The following BUB1 variants were observed in gnomAD, a reference collection of about 807,000 sequenced individuals.
BUB1 encodes BUB1 mitotic checkpoint serine/threonine kinase.
BUB1 carries 84 observed loss-of-function variants against 135.2 expected under a neutral mutation model. The observed-to-expected ratio is 0.62, with a 90% confidence interval of 0.52 to 0.74. The LOEUF is 0.74. BUB1 is among the 30% of genes least tolerant of loss of function. The pLI is 0.00. For synonymous variants in BUB1, 403 were observed against 434.4 expected, an observed-to-expected ratio of 0.93 and a Z score of 0.90; for missense variants, 1,162 against 1,288.3, an observed-to-expected ratio of 0.90 and a Z score of 1.50.
In BUB1 at chr2:110,669,547, GTT is replaced by G; in HGVS notation, c.471_472del (p.Arg157SerfsTer7). On this transcript the variant is annotated frameshift_variant, in exon 6 of 25. Coordinates refer to ENST00000302759, the MANE Select transcript of BUB1 (RefSeq NM_004336.5). LOFTEE classifies it high-confidence loss of function. Reference sequence around the variant, plus strand: ...CTGAACATTATGCAGAGGTTCTGAGGTTCTAGCTATGAGGGAAAAGAGGATAA... The same window carrying G: ...CTGAACATTATGCAGAGGTTCTGAGGCTAGCTATGAGGGAAAAGAGGATAA... 1 of 1,599,568 alleles carries G rather than the reference GTT, an allele frequency of 6.3e-7. No homozygotes were observed. The highest frequency in any genetic ancestry group is 8.6e-7 in the Non-Finnish European group (1 of 1,167,460).
intron 24 of BUB1, among the ~76,000 whole-genome samples, 188 bp downstream of exon 24, chr2:110,639,554 G>C (rs1435399708): frequency 1.3e-5 from 2 of 152,128 alleles, no homozygotes; most frequent in Non-Finnish European, 2.9e-5. Flanking sequence ...CCAGTGGGGA[G>C]AGAGAAGTGG....
At position 110,661,778 on chromosome 2, in the gene BUB1, G is replaced by T; in HGVS notation, c.1021C>A (p.Pro341Thr). ...SQQELRAPCL[P>T]VTYQQTPVNM... ...ACTGGTGTCTGCTGATAGGTTACTG[G>T]AAGACATGGCGCTCTCAGTTCCTGC... Residue 341 changes from proline to threonine, a missense_variant, in exon 10 of 25, where the codon CCA (proline) becomes ACA (threonine). Transcript: ENST00000302759. The T allele has an allele frequency of 1.9e-6, 3 of 1,614,204 alleles. No individual in the cohort carries two copies. In the South Asian group the frequency reaches 3.3e-5, roughly 18 times the overall value.
intron 4 of BUB1, among the ~76,000 whole-genome samples, chr2:110,671,421 CTAATTTTTT>C (rs1490273387): frequency 2.4e-4 from 36 of 152,096 alleles, no homozygotes; most frequent in Admixed American, 2.4e-3. Flanking sequence ...GTTTATTATA[CTAATTTTTT>C]CTTTTTTATG....
Position 110,667,528 on chromosome 2 carries a change from C to T in BUB1, c.798G>A (p.Glu266=), listed in dbSNP as rs1345408033. ...AQKYNQRRKH[E]QWVNEDRHYM... is the part of the protein sequence containing the mutation. ...ATACAAGATTGCAAGTACCCCATTG[C>T]TCATGCTTTCTCCGTTGATTGTATT... Residue 266 remains glutamate, a synonymous_variant, in exon 8 of 25, where the codon GAG becomes GAA. Transcript: ENST00000302759. 1 of 1,611,590 alleles carries T rather than the reference C, an allele frequency of 6.2e-7. No homozygotes were observed. Among genetic ancestry groups the T allele is most frequent in the Non-Finnish European group, 8.5e-7 (1 of 1,179,210 alleles).
rs1376262160 is a variant in BUB1 at position 110,667,561 on chromosome 2, T to C, written c.765A>G (p.Arg255=). 6.2e-7 allele frequency: 1 copy of C among 1,613,878 alleles called. No individual in the cohort carries two copies. Among genetic ancestry groups the C allele is most frequent in the Non-Finnish European group, 8.5e-7 (1 of 1,179,968 alleles). The change falls in exon 8 of 25, where the codon AGA becomes AGG. Residue 255 remains arginine, a synonymous_variant. Transcript: ENST00000302759. ...GESEFSFEEL[R]AQKYNQRRKH... is the part of the protein sequence containing the mutation. ...TTCTCCGTTGATTGTATTTCTGGGC[T>C]CTCAATTCTTCAAAGGAAAATTCTG...
At chr2:110,655,628 A>G in intron 16 of BUB1, 111 bp downstream of exon 16, 1 of 1,056,896 alleles carries the variant, frequency 9.5e-7, no homozygotes, top group Non-Finnish European at 1.3e-6. Context: ...TGATTTTCAA[A>G]GTTCCCATGT....
intron 1 of BUB1, among the ~76,000 whole-genome samples, chr2:110,677,606 G>A (rs1002708331): frequency 6.6e-6 from 1 of 152,158 alleles, no homozygotes; most frequent in Non-Finnish European, 1.5e-5. Flanking sequence ...TGTTAAATAC[G>A]TGACTTTGAA....
chr2:110,642,050 A>C (rs1689520576), intron 20 of BUB1, 69 bp downstream of exon 20: 1 of 1,263,444 alleles, frequency 7.9e-7, no homozygotes, highest in Non-Finnish European at 1.1e-6. Flanking sequence ...AAAGAAAAAA[A>C]ATTTCTTGGC....
rs760758876 is a variant in BUB1 at position 110,658,433 on chromosome 2, T to A, written c.1493A>T (p.Asp498Val). The A allele has an allele frequency of 6.2e-7, 1 of 1,613,752 alleles. No individual in the cohort carries two copies. Among genetic ancestry groups the A allele is most frequent in the Non-Finnish European group, 8.5e-7 (1 of 1,179,774 alleles). The change falls in exon 13 of 25, where the codon GAT (aspartate) becomes GTT (valine). Residue 498 changes from aspartate to valine, a missense_variant. Asp to Val is a radical substitution (Grantham distance 152, BLOSUM62 -3). Transcript: ENST00000302759. ...DEWQSLDQNE[D>V]AFEAQFQKNV... ...ACTTTGAAACTGGGCTTCAAATGCA[T>A]CTTCATTTTGATCTAGAGATTGCCA...
chr2:110,637,790 T>G lies in BUB1; in HGVS notation c.*174A>C. 1 of 480,462 alleles carries G rather than the reference T, an allele frequency of 2.1e-6. No homozygotes were observed. Among genetic ancestry groups the G allele is most frequent in the Non-Finnish European group, 3.4e-6 (1 of 293,736 alleles). 29.8% of individuals were successfully genotyped at this position (480,462 alleles called of 1,614,324 possible). ...CAATCAGCCTGCTATATAGGGACCT[T>G]ATGGGGTTGTATATTTTGTTGAAAT... On this transcript the variant is annotated 3_prime_UTR_variant, in exon 25 of 25. Transcript: ENST00000302759.
At chr2:110,643,916 C>CA in intron 19 of BUB1, among the ~76,000 whole-genome samples, 1 of 149,784 alleles carries the variant, frequency 6.7e-6, no homozygotes, top group Non-Finnish European at 1.5e-5. Flanking sequence ...AACTGAGAAG[C>CA]AAAAAAAGGT....
chr2:110,655,414 T>C (rs988116718), intron 16 of BUB1, among the ~76,000 whole-genome samples: 2 of 152,212 alleles, frequency 1.3e-5, no homozygotes, highest in Admixed American at 6.5e-5. Flanking sequence ...TTTTGTTTGC[T>C]ATGAAACAAA....
chr2:110,640,235 T>C lies in BUB1; in HGVS notation c.2956-387A>G, dbSNP rs189364334. ...GGCCTCTTGTTGTGTGATATGTTCATAATTGAAAAGAACACTCCAGCCCCA... is the reference window on the plus strand; with the variant it reads ...GGCCTCTTGTTGTGTGATATGTTCACAATTGAAAAGAACACTCCAGCCCCA... On this transcript the variant is annotated intron_variant, in intron 23 of 24. Coordinates refer to ENST00000302759, the MANE Select transcript of BUB1 (RefSeq NM_004336.5). Among the ~76,000 whole-genome samples, 812 of 152,224 alleles carry C rather than the reference T, an allele frequency of 5.3e-3. 7 individuals are homozygous for C. The highest frequency in any genetic ancestry group is 7.6e-3 in the Non-Finnish European group (515 of 68,008).
chr2:110,674,072 T>TTAAGTAG lies in BUB1; in HGVS notation c.225+13_225+14insCTACTTA. The TTAAGTAG allele has an allele frequency of 6.7e-7, 1 of 1,489,322 alleles. No homozygotes were observed. Among genetic ancestry groups the TTAAGTAG allele is most frequent in the Non-Finnish European group, 9.2e-7 (1 of 1,081,234 alleles). The allele number at this position is 1,489,322 out of a possible 1,614,324, so 92.3% of individuals were successfully genotyped here. A position where few individuals can be genotyped will look rare whatever the true frequency, so the allele number is the denominator to read the frequency against. On this transcript the variant is annotated intron_variant, in intron 3 of 24. Coordinates refer to ENST00000302759, the MANE Select transcript of BUB1 (RefSeq NM_004336.5). ...ATGATTATAGATTTGATTATACATC[T>TTAAGTAG]TAAGTATACTTACAAATTTTAAACA...
At position 110,657,695 on chromosome 2, in the gene BUB1, TC is replaced by T. The variant is rs770750827; in HGVS notation, c.1517-51del. The T allele has an allele frequency of 5.4e-6, 7 of 1,303,024 alleles. No individual in the cohort carries two copies. In the Admixed American group the frequency reaches 9.3e-5, roughly 17 times the overall value. The allele number at this position is 1,303,024 out of a possible 1,614,324, so 80.7% of individuals were successfully genotyped here. On this transcript the variant is annotated intron_variant, in intron 13 of 24. Coordinates refer to ENST00000302759, the MANE Select transcript of BUB1 (RefSeq NM_004336.5). ...CTAATTATTGTACTAGGAAAAAACATCCTTTATATTAAACTTCAACTACAAA... is the reference window on the plus strand; with the variant it reads ...CTAATTATTGTACTAGGAAAAAACATCTTTATATTAAACTTCAACTACAAA...
chr2:110,657,279 C>A (rs189115938), intron 14 of BUB1, among the ~76,000 whole-genome samples, 162 bp from the exon 15 acceptor site: 9 of 152,216 alleles, frequency 5.9e-5, no homozygotes, highest in Middle Eastern at 3.4e-3. Context: ...TGAGTGTAAT[C>A]AAATTAACAT....
Position 110,658,641 on chromosome 2 carries a change from G to C in BUB1, c.1378C>G (p.Pro460Ala), listed in dbSNP as rs1340997520. ...QATPSKVQPS[P>A]TVHTKEALGF... ...AATGCTTCTTTTGTGTGCACGGTGG[G>C]TGATGGCTGCACTTTGGATGGCGTT... Residue 460 changes from proline to alanine, a missense_variant, in exon 12 of 25, where the codon CCC becomes GCC. By Grantham distance (27) the Pro-to-Ala change is conservative. Transcript: ENST00000302759. 6.2e-7 allele frequency: 1 copy of C among 1,614,100 alleles called. No homozygotes were observed. Among genetic ancestry groups the C allele is most frequent in the Non-Finnish European group, 8.5e-7 (1 of 1,180,036 alleles).
In BUB1 at chr2:110,641,666, C is replaced by T; in HGVS notation, c.2601G>A (p.Glu867=). The T allele has an allele frequency of 6.2e-7, 1 of 1,612,962 alleles. No individual in the cohort carries two copies. Among genetic ancestry groups the T allele is most frequent in the Non-Finnish European group, 8.5e-7 (1 of 1,179,852 alleles). Residue 867 remains glutamate, a synonymous_variant, in exon 21 of 25, where the codon GAG becomes GAA. Coordinates refer to ENST00000302759, the MANE Select transcript of BUB1 (RefSeq NM_004336.5). ...CTAATAATGTTCCATAGCTGTAGAG[C>T]TCTCCTACTAATACACTGCCATTCT... ...LFQNGSVLVG[E]LYSYGTLLNA...
rs551730289 is a variant in BUB1 at position 110,673,534 on chromosome 2, A to C, written c.225+552T>G. On this transcript the variant is annotated intron_variant, in intron 3 of 24. Transcript: ENST00000302759. ...AGTGCTGGAATTGAATTGGAGACAC[A>C]ACTACAGAGTTGATTGACTGGTTGC... Among the ~76,000 whole-genome samples, 6 of 152,194 alleles carry C rather than the reference A, an allele frequency of 3.9e-5. No individual in the cohort carries two copies. The East Asian group carries it at 1.2e-3, about 29-fold the overall frequency.
Sources: gnomAD v4.1 joint callset for allele counts (sites outside exome capture counted in the v4.1 genomes callset) on GRCh38, gnomAD v4.1.1 for gene constraint, MANE v1.5 for transcripts, NCBI Gene and HGNC (gene_info 2026-07-23, HGNC 2026-07-21) for gene names.